Variants in PPIH observed in about 807,000 individuals in gnomAD.
PPIH encodes peptidylprolyl isomerase H.
A neutral mutation model predicts 27.6 loss-of-function variants in PPIH; 16 were observed. The ratio of observed to expected loss-of-function variants is 0.58; its 90% CI spans 0.39 to 0.88. The LOEUF is 0.88. Among genes scored for constraint, PPIH ranks in the 40% least tolerant of loss-of-function variants. The pLI is 0.00. For synonymous variants in PPIH, 63 were observed against 76.1 expected, an observed-to-expected ratio of 0.83 and a Z score of 0.90; for missense variants, 155 against 224.1, an observed-to-expected ratio of 0.69 and a Z score of 1.97.
At chr1:42,681,042 G>A (rs1650004978), downstream of PPIH, among the ~76,000 whole-genome samples, 1 of 152,138 alleles carries the variant, frequency 6.6e-6, no homozygotes, top group African/African-American at 2.4e-5. Context: ...GGCATTGGTA[G>A]GGGTAAGGAA....
intron 5 of PPIH, among the ~76,000 whole-genome samples, chr1:42,663,624 T>C (rs541108365): frequency 3.3e-5 from 5 of 152,220 alleles, no homozygotes; most frequent in Admixed American, 1.3e-4. Context: ...GGTCTCAAAC[T>C]CCTGACTTCA....
At chr1:42,671,098 T>C (rs1649611090) in intron 9 of PPIH, among the ~76,000 whole-genome samples, 2 of 147,106 alleles carry the variant, frequency 1.4e-5, no homozygotes. Context: ...TCCCAGCCTA[T>C]TTTTTTTTTA....
At position 42,665,056 on chromosome 1, in the gene PPIH, T is replaced by C. The variant is rs370345542; in HGVS notation, c.336+101T>C. ...CTTGGGATGGAAGCAAATGCTTTCCTTCTCTTGCTTGGCCCAGGACTCACC... is the reference window on the plus strand; with the variant it reads ...CTTGGGATGGAAGCAAATGCTTTCCCTCTCTTGCTTGGCCCAGGACTCACC... On this transcript the variant is annotated intron_variant, in intron 6 of 9. Transcript: ENST00000304979. 2.3e-5 allele frequency: 23 copies of C among 993,566 alleles called. No individual in the cohort carries two copies. In the African/African-American group the frequency reaches 3.8e-4, roughly 16 times the overall value. The allele number at this position is 993,566 out of a possible 1,614,324, so 61.5% of individuals were successfully genotyped here. A position where few individuals can be genotyped will look rare whatever the true frequency, so the allele number is the denominator to read the frequency against.
At chr1:42,665,689 A>AG (rs1649293095) in intron 6 of PPIH, among the ~76,000 whole-genome samples, 1 of 151,944 alleles carries the variant, frequency 6.6e-6, no homozygotes, top group Admixed American at 6.6e-5. Flanking sequence ...TACTTAAAAA[A>AG]GAAAAAAAAA....
chr1:42,669,889 A>G (rs1352528101), intron 9 of PPIH, among the ~76,000 whole-genome samples: 2 of 152,284 alleles, frequency 1.3e-5, no homozygotes, highest in East Asian at 3.9e-4. Context: ...AAAATCATCT[A>G]TAATTAATTT....
chr1:42,680,852 A>G (rs1442172029), downstream of PPIH, among the ~76,000 whole-genome samples: 1 of 152,236 alleles, frequency 6.6e-6, no homozygotes, highest in Non-Finnish European at 1.5e-5. Context: ...ATGGTCGGCC[A>G]AGCTTATATT....
At chr1:42,661,521 C>T (rs1243738026) in intron 5 of PPIH, among the ~76,000 whole-genome samples, 3 of 152,150 alleles carry the variant, frequency 2.0e-5, no homozygotes, top group Non-Finnish European at 2.9e-5. Flanking sequence ...GCCTCCCTCC[C>T]CACCCCAACC....
chr1:42,658,682 A>G (rs572946477), intron 1 of PPIH, 162 bp from the exon 2 acceptor site: 52 of 1,110,270 alleles, frequency 4.7e-5, no homozygotes, highest in African/African-American at 1.6e-4. Context: ...AGTCTCCCCA[A>G]TCCTAGCGCC....
At chr1:42,661,678 C>G (rs1339171394) in intron 5 of PPIH, among the ~76,000 whole-genome samples, 1 of 152,012 alleles carries the variant, frequency 6.6e-6, no homozygotes, top group African/African-American at 2.4e-5. Flanking sequence ...GACATGTGTT[C>G]TCTTTTATGT....
At chr1:42,677,653 A>T (rs776210657), downstream of PPIH, among the ~76,000 whole-genome samples, 35 of 151,728 alleles carry the variant, frequency 2.3e-4, no homozygotes, top group Non-Finnish European at 4.7e-4. Flanking sequence ...TGTACACAAC[A>T]AACAAACAAC....
downstream of PPIH, among the ~76,000 whole-genome samples, chr1:42,680,914 A>G (rs1201906525): frequency 6.6e-6 from 1 of 152,146 alleles, no homozygotes; most frequent in Non-Finnish European, 1.5e-5. Flanking sequence ...GCTCTAAGCA[A>G]TTGGTGATGA....
chr1:42,663,561 G>A (rs1649168996), intron 5 of PPIH, among the ~76,000 whole-genome samples: 1 of 151,862 alleles, frequency 6.6e-6, no homozygotes, highest in Non-Finnish European at 1.5e-5. Context: ...CACCACACGT[G>A]GCTAATTTTT....
In PPIH at chr1:42,660,929, A is replaced by G. The variant is rs534077061; in HGVS notation, c.243+25A>G. 5.5e-5 allele frequency: 88 copies of G among 1,594,738 alleles called. 2 individuals carry two copies. In the South Asian group the frequency reaches 9.1e-4, roughly 16 times the overall value. On this transcript the variant is annotated intron_variant, in intron 5 of 9. Transcript: ENST00000304979. The stretch of plus-strand genomic sequence containing the variant: ...TGTAAGTACTATTCCTTTCCTATCA[A>G]AGACCCGTAGTTTTAGTTTTTGTTG...
chr1:42,673,874 T>C (rs1350115895), intron 9 of PPIH, among the ~76,000 whole-genome samples: 2 of 152,230 alleles, frequency 1.3e-5, no homozygotes, highest in African/African-American at 4.8e-5. Flanking sequence ...TGATAGATAT[T>C]GTAACAGTTG....
chr1:42,659,187 A>G (rs780622818), intron 2 of PPIH, 41 bp from the exon 3 acceptor site: 42 of 1,613,550 alleles, frequency 2.6e-5, no homozygotes, highest in Non-Finnish European at 3.5e-5. Context: ...CACGACTGTG[A>G]CATCATAGTG....
chr1:42,668,350 CTCCCTCCTGCTCCTCT>C (rs773057015), intron 9 of PPIH, among the ~76,000 whole-genome samples: 16 of 151,738 alleles, frequency 1.1e-4, no homozygotes, highest in Non-Finnish European at 2.2e-4. Flanking sequence ...GCCTCTCCTC[CTCCCTCCTGCTCCTCT>C]TCCCTCCCTC....
At chr1:42,661,857 T>C (rs1649041494) in intron 5 of PPIH, among the ~76,000 whole-genome samples, 1 of 152,200 alleles carries the variant, frequency 6.6e-6, no homozygotes, top group South Asian at 2.1e-4. Context: ...CTAGTTTTTT[T>C]TTCTCTTTAA....
At chr1:42,666,404 G>T in intron 7 of PPIH, 143 bp from the exon 8 acceptor site, 1 of 803,866 alleles carries the variant, frequency 1.2e-6, no homozygotes, top group South Asian at 1.6e-5. Context: ...CTATGACCTT[G>T]AGCAAGTCAT....
rs755457895 is a variant in PPIH, at chr1:42,676,590, CCTT to C, written c.*35_*37del. 4 of 151,880 alleles carry C rather than the reference CCTT, an allele frequency of 2.6e-5. No homozygotes were observed. The highest frequency in any genetic ancestry group is 4.4e-5 in the Non-Finnish European group (3 of 68,068). 9.4% of individuals were successfully genotyped at this position (151,880 alleles called of 1,614,324 possible). A position where few individuals can be genotyped will look rare whatever the true frequency, so the allele number is the denominator to read the frequency against. ...CATGTCTCTGCCATTGTAGGCCTTC[CCTT>C]CTTCTTGGTGGTGTTCTTGAGTAAG... On this transcript the variant is annotated 3_prime_UTR_variant, in exon 10 of 10. Transcript: ENST00000304979.
Sources: gnomAD v4.1 joint callset for allele counts (sites outside exome capture counted in the v4.1 genomes callset) on GRCh38, gnomAD v4.1.1 for gene constraint, MANE v1.5 for transcripts, NCBI Gene and HGNC (gene_info 2026-07-23, HGNC 2026-07-21) for gene names.